Variants in SPINK5 observed in about 807,000 individuals in gnomAD.
SPINK5 encodes the protein serine peptidase inhibitor Kazal type 5.
In SPINK5, 125 loss-of-function variants were observed where a neutral mutation model predicts 151.8. The ratio of observed to expected loss-of-function variants is 0.82; its 90% CI spans 0.71 to 0.96. SPINK5 has a LOEUF of 0.96. Ranked by LOEUF, SPINK5 falls within the 40% of genes least tolerant of loss-of-function variation. The pLI is 0.00. For missense variants in SPINK5, 1,194 were observed against 1,291.9 expected (o/e 0.92, Z 1.16); for synonymous variants, 374 against 395.3 (o/e 0.95, Z 0.64).
At chr5:148,095,997 C>G (rs1753449537) in intron 10 of SPINK5, 92 bp downstream of exon 10, 2 of 983,686 alleles carry the variant, frequency 2.0e-6, no homozygotes, top group Non-Finnish European at 3.2e-6. Context: ...TATGCACTTT[C>G]AATATTGTTT....
In SPINK5 at chr5:148,104,974, G is replaced by C; in HGVS notation, c.1453G>C (p.Ala485Pro). The C allele has an allele frequency of 1.2e-6, 2 of 1,613,872 alleles. No individual in the cohort carries two copies. Among genetic ancestry groups the C allele is most frequent in the Non-Finnish European group, 1.7e-6 (2 of 1,179,858 alleles). Reference sequence around the variant, plus strand: ...AAGTCAACAAGAAGAAAGAGCAAGAGCAAAGGCTAAAAGAGAAGCTGCAAA... The same window carrying C: ...AAGTCAACAAGAAGAAAGAGCAAGACCAAAGGCTAAAAGAGAAGCTGCAAA... ...AFFQQEERAR[A>P]KAKREAAKEI... The change falls in exon 16 of 33, where the codon GCA becomes CCA. Residue 485 changes from alanine to proline, a missense_variant. Transcript: ENST00000256084.
chr5:148,129,088 T>C (rs2112766), intron 30 of SPINK5, among the ~76,000 whole-genome samples: 86,409 of 151,940 alleles, frequency 0.57, 25,342 homozygotes, highest in Admixed American at 0.65. Context: ...AGGGTATTGA[T>C]TCTGTAGGTA....
chr5:148,095,484 G>A (rs1361905614), intron 9 of SPINK5, among the ~76,000 whole-genome samples: 1 of 151,958 alleles, frequency 6.6e-6, no homozygotes, highest in Non-Finnish European at 1.5e-5. Flanking sequence ...AATAAAAACT[G>A]CTGTATAAGA....
chr5:148,091,912 T>C (rs1390483163), intron 8 of SPINK5, among the ~76,000 whole-genome samples: 1 of 151,778 alleles, frequency 6.6e-6, no homozygotes, highest in African/African-American at 2.4e-5. Context: ...CCTGGATTTC[T>C]TAAATCACCT....
chr5:148,078,228 G>A (rs996877808), intron 4 of SPINK5, among the ~76,000 whole-genome samples: 12 of 151,106 alleles, frequency 7.9e-5, no homozygotes, highest in Middle Eastern at 3.5e-3. Context: ...GTGTCAATAC[G>A]TTAAGCAATA....
chr5:148,101,105 T>C (rs1753630477), intron 13 of SPINK5, among the ~76,000 whole-genome samples: 1 of 117,408 alleles, frequency 8.5e-6, no homozygotes, highest in Admixed American at 1.0e-4. Flanking sequence ...AAATCCCAAG[T>C]CTGTACTTAT....
chr5:148,107,795 C>T (rs965449509), intron 17 of SPINK5, among the ~76,000 whole-genome samples: 1 of 152,026 alleles, frequency 6.6e-6, no homozygotes, highest in Non-Finnish European at 1.5e-5. Flanking sequence ...TGTAGGTAAG[C>T]CTGTGACTAC....
intron 4 of SPINK5, among the ~76,000 whole-genome samples, chr5:148,076,604 A>G (rs1243847149): frequency 1.3e-5 from 2 of 151,770 alleles, no homozygotes; most frequent in African/African-American, 4.8e-5. Flanking sequence ...TAATTAATGG[A>G]GTTTGTCTTT....
intron 4 of SPINK5, 84 bp downstream of exon 4, chr5:148,072,304 A>G (rs1159039269): frequency 5.6e-6 from 8 of 1,423,128 alleles, no homozygotes; most frequent in Non-Finnish European, 6.9e-6. Context: ...CTTAATTACT[A>G]GGTCATACCT....
chr5:148,133,911 TC>T (rs769311489), intron 32 of SPINK5, 24 bp downstream of exon 32: 2 of 1,611,492 alleles, frequency 1.2e-6, no homozygotes, highest in Non-Finnish European at 1.7e-6. Context: ...TAGACTGGCC[TC>T]CATGGTTACG....
intron 30 of SPINK5, among the ~76,000 whole-genome samples, chr5:148,127,519 C>T (rs552484733): frequency 5.9e-5 from 9 of 152,162 alleles, no homozygotes; most frequent in Non-Finnish European, 7.4e-5. Context: ...TATAAATTTC[C>T]GCCAATTAGC....
intron 28 of SPINK5, chr5:148,125,492 A>C (rs779356494): frequency 6.3e-7 from 1 of 1,587,870 alleles, no homozygotes; most frequent in East Asian, 2.2e-5. Flanking sequence ...AGGTCTATCA[A>C]GTGTTGTTTT....
chr5:148,128,432 A>G (rs1248541571), intron 30 of SPINK5, among the ~76,000 whole-genome samples: 1 of 152,098 alleles, frequency 6.6e-6, no homozygotes, highest in African/African-American at 2.4e-5. Context: ...ATCTTTCATT[A>G]TTCATTTTTT....
intron 28 of SPINK5, 90 bp downstream of exon 28, chr5:148,124,927 T>C: frequency 7.5e-7 from 1 of 1,339,894 alleles, no homozygotes; most frequent in Non-Finnish European, 9.6e-7. Flanking sequence ...AATAAATATA[T>C]TAATATCTTA....
chr5:148,070,591 A>G (rs1581049802), intron 3 of SPINK5, 141 bp downstream of exon 3: 2 of 1,043,350 alleles, frequency 1.9e-6, no homozygotes, highest in Non-Finnish European at 2.8e-6. Context: ...TCACTCTGAC[A>G]TTTCCCATCA....
In SPINK5 at chr5:148,094,794, A is replaced by T. The variant is rs7725816; in HGVS notation, c.794+313A>T. The stretch of plus-strand genomic sequence containing the variant: ...TAATTCTAGTATAGAATGGGGGTAA[A>T]AGCAGGTACCACGACTTCGATTGTT... On this transcript the variant is annotated intron_variant, in intron 9 of 32. Transcript: ENST00000256084. Among the ~76,000 whole-genome samples, 44,225 of 151,830 alleles carry T rather than the reference A, an allele frequency of 0.29. 10,401 individuals are homozygous for T. Among genetic ancestry groups the T allele is most frequent in the African/African-American group, 0.64 (26,551 of 41,408 alleles).
intron 32 of SPINK5, among the ~76,000 whole-genome samples, chr5:148,134,661 A>AATT (rs1387286200): frequency 6.6e-6 from 1 of 152,092 alleles, no homozygotes; most frequent in Admixed American, 6.6e-5. Flanking sequence ...CCAAAGTATG[A>AATT]ATTTAGAAAA....
At chr5:148,116,530 A>G (rs751777096) in intron 22 of SPINK5, 64 bp downstream of exon 22, 6 of 1,450,494 alleles carry the variant, frequency 4.1e-6, no homozygotes, top group East Asian at 2.3e-5. Context: ...AGGACTGTGA[A>G]TAGCGTATAT....
At chr5:148,086,324 C>A in intron 4 of SPINK5, 81 bp from the exon 5 acceptor site, 1 of 1,550,970 alleles carries the variant, frequency 6.4e-7, no homozygotes, top group Non-Finnish European at 8.7e-7. Flanking sequence ...TTATTGTGGG[C>A]TTAAAATGTT....
Sources: gnomAD v4.1 joint callset for allele counts (sites outside exome capture counted in the v4.1 genomes callset) on GRCh38, gnomAD v4.1.1 for gene constraint, MANE v1.5 for transcripts, NCBI Gene and HGNC (gene_info 2026-07-23, HGNC 2026-07-21) for gene names.